Variants in DST observed in about 807,000 individuals in gnomAD.
The protein encoded by DST is dystonin.
Under a neutral mutation model 875.2 loss-of-function variants are expected in DST, and 253 were observed. That is an observed-to-expected ratio of 0.29 (90% CI 0.26 to 0.32). The LOEUF is 0.32. DST is among the 10% of genes least tolerant of loss of function. DST has a pLI of 1.00. For missense variants in DST, 8,287 were observed against 9,111.6 expected (o/e 0.91, Z 3.68); for synonymous variants, 3,124 against 3,197.1 (o/e 0.98, Z 0.77).
At chr6:56,735,420 A>G in intron 4 of DST, 131 bp from the exon 5 acceptor site, 1 of 665,278 alleles carries the variant, frequency 1.5e-6, no homozygotes, top group East Asian at 2.9e-5. Context: ...TTCTTGTTAA[A>G]TTTTGGCAAC....
intron 2 of DST, among the ~76,000 whole-genome samples, chr6:56,952,527 A>G (rs115232789): frequency 6.6e-6 from 1 of 152,238 alleles, no homozygotes; most frequent in African/African-American, 2.4e-5. Flanking sequence ...ACTTTAATTA[A>G]GTAATTTAAT....
chr6:56,765,652 T>C (rs1379836513), intron 4 of DST, among the ~76,000 whole-genome samples: 1 of 152,174 alleles, frequency 6.6e-6, no homozygotes, highest in Non-Finnish European at 1.5e-5. Flanking sequence ...GATGTTAAGA[T>C]GAATGGTGAA....
chr6:56,605,879 G>A lies in DST; in HGVS notation c.8749C>T (p.Leu2917Phe). The A allele has an allele frequency of 6.2e-7, 1 of 1,612,560 alleles. No homozygotes were observed. Among genetic ancestry groups the A allele is most frequent in the Non-Finnish European group, 8.5e-7 (1 of 1,179,250 alleles). The change falls in exon 40 of 104, where the codon CTT becomes TTT. Residue 2917 changes from leucine (L) to phenylalanine (F), a missense_variant. Physicochemically the swap from Leu to Phe is conservative, Grantham distance 22. Transcript: ENST00000680361. ...ATGATAGGCGGCAATACATCCTTAA[G>A]TACCATCTCATGGTTCAACAGATTT... ...KENLLNHEMV[L>F]KDVLPPIIKD...
intron 9 of DST, among the ~76,000 whole-genome samples, chr6:56,691,089 A>T (rs928895109): frequency 6.6e-6 from 1 of 152,208 alleles, no homozygotes; most frequent in Admixed American, 6.6e-5. Flanking sequence ...CCATTGAAGG[A>T]AAGGCTAATG....
At chr6:56,527,777 A>G in intron 67 of DST, 43 bp from the exon 68 acceptor site, 2 of 1,550,956 alleles carry the variant, frequency 1.3e-6, no homozygotes. Context: ...AGGAAAAAAA[A>G]GGCAGGGAGA....
chr6:56,548,251 C>T (rs2097262002), intron 61 of DST, among the ~76,000 whole-genome samples: 1 of 152,196 alleles, frequency 6.6e-6, no homozygotes, highest in Non-Finnish European at 1.5e-5. Context: ...TGTGTTGGGC[C>T]ACATTCAAAG....
chr6:56,770,817 A>G (rs1421730662), intron 4 of DST, among the ~76,000 whole-genome samples: 1 of 152,086 alleles, frequency 6.6e-6, no homozygotes, highest in Non-Finnish European at 1.5e-5. Context: ...CCTGACCAAC[A>G]TGGAGAAACC....
intron 3 of DST, among the ~76,000 whole-genome samples, chr6:56,865,939 A>G (rs989020594): frequency 5.9e-5 from 9 of 152,100 alleles, no homozygotes; most frequent in Admixed American, 6.5e-5. Flanking sequence ...CATAAAGTAC[A>G]TATAGGCATT....
Position 56,634,173 on chromosome 6 carries a change from T to A in DST, c.3580A>T (p.Ile1194Phe). The A allele has an allele frequency of 1.2e-6, 2 of 1,604,576 alleles. No homozygotes were observed. The highest frequency in any genetic ancestry group is 1.7e-6 in the Non-Finnish European group (2 of 1,172,136). The change falls in exon 27 of 104, where the codon ATC becomes TTC. Residue 1194 changes from isoleucine (I) to phenylalanine (F), a missense_variant. Physicochemically the swap from Ile to Phe is conservative, Grantham distance 21. Around this residue, in one of 10 missense-constraint regions of DST, gnomAD observed 3,138 missense variants for 3,116.6 expected, o/e 1.01. Coordinates refer to ENST00000680361, the MANE Select transcript of DST (RefSeq NM_001374736.1). ...MKSVVSWHYL[I>F]NEIDRIRASN... ...GCTCGAATTCTATCAATTTCATTGATGAGATAATGCCAGGATACTACACTC... is the reference window on the plus strand; with the variant it reads ...GCTCGAATTCTATCAATTTCATTGAAGAGATAATGCCAGGATACTACACTC...
chr6:56,565,125 C>CTTTTTTTTTTTTTTT (rs540989404), intron 55 of DST, among the ~76,000 whole-genome samples: 1 of 122,794 alleles, frequency 8.1e-6, no homozygotes, highest in Non-Finnish European at 1.7e-5. Flanking sequence ...TTTTTTTTTT[C>CTTTTTTTTTTTTTTT]TTTTTTTTTT....
intron 3 of DST, among the ~76,000 whole-genome samples, chr6:56,864,503 G>C (rs1015356738): frequency 6.6e-6 from 1 of 152,044 alleles, no homozygotes; most frequent in African/African-American, 2.4e-5. Flanking sequence ...TTTATGGAAA[G>C]TAGGCAGGAC....
At chr6:56,697,776 C>T (rs1170634838) in intron 9 of DST, among the ~76,000 whole-genome samples, 3 of 152,142 alleles carry the variant, frequency 2.0e-5, no homozygotes, top group Admixed American at 6.6e-5. Context: ...CTGACTTTCC[C>T]GTCTGGGGTT....
chr6:56,776,631 T>C (rs989652740), intron 4 of DST, among the ~76,000 whole-genome samples: 2 of 152,160 alleles, frequency 1.3e-5, no homozygotes, highest in African/African-American at 4.8e-5. Context: ...TATTCTAAAA[T>C]TAAAAGTTTA....
rs778309897 is a variant in DST, at chr6:56,463,629, G to C, written c.22895C>G (p.Thr7632Ser). 5 of 1,613,640 alleles carry C rather than the reference G, an allele frequency of 3.1e-6. No homozygotes were observed. Among genetic ancestry groups the C allele is most frequent in the Non-Finnish European group, 4.2e-6 (5 of 1,179,628 alleles). ...CTGCGCAGCCTGACTGGACACAGAAGTGGATCTGTTGGGTGAAGCGCCTCG... is the reference window on the plus strand; with the variant it reads ...CTGCGCAGCCTGACTGGACACAGAACTGGATCTGTTGGGTGAAGCGCCTCG... ...SSRGASPNRS[T>S]SVSSQAAQAA... The change falls in exon 101 of 104, where the codon ACT (threonine) becomes AGT (serine). Residue 7632 changes from threonine (T) to serine (S), a missense_variant. This residue lies in a region of DST where 240 missense variants were observed against 237.3 expected (regional missense o/e 1.01). Transcript: ENST00000680361.
At chr6:56,783,870 G>C (rs924012901) in intron 4 of DST, among the ~76,000 whole-genome samples, 1 of 152,108 alleles carries the variant, frequency 6.6e-6, no homozygotes, top group Non-Finnish European at 1.5e-5. Flanking sequence ...TACCTGTTGT[G>C]CCTTTCCATG....
chr6:56,593,516 C>CCAAAAAAAAAAAAAAAAAAA (rs766214285), intron 48 of DST, 147 bp downstream of exon 48: 10 of 277,526 alleles, frequency 3.6e-5, no homozygotes, highest in African/African-American at 3.2e-4. Context: ...GACTCCTTCT[C>CCAAAAAAAAAAAAAAAAAAA]AAAAAAAAAA....
At chr6:56,953,442 C>T (rs904938618) in intron 2 of DST, among the ~76,000 whole-genome samples, 1 of 152,198 alleles carries the variant, frequency 6.6e-6, no homozygotes, top group African/African-American at 2.4e-5. Context: ...AAGTGAACAA[C>T]CAGAGTCAAC....
chr6:56,830,576 A>G (rs2099785805), intron 4 of DST, among the ~76,000 whole-genome samples: 1 of 152,182 alleles, frequency 6.6e-6, no homozygotes, highest in Non-Finnish European at 1.5e-5. Context: ...TCAACAGGAT[A>G]GTTTTTCTGT....
At chr6:56,776,105 T>A (rs2099678600) in intron 4 of DST, among the ~76,000 whole-genome samples, 1 of 152,184 alleles carries the variant, frequency 6.6e-6, no homozygotes, top group African/African-American at 2.4e-5. Flanking sequence ...ATAAGACATG[T>A]GAATTGATAT....
Sources: allele counts gnomAD v4.1 joint callset (sites outside exome capture counted in the v4.1 genomes callset), GRCh38; gene constraint gnomAD v4.1.1; regional missense constraint gnomAD v4.1.1; transcripts MANE v1.5; gene names NCBI Gene and HGNC (gene_info 2026-07-23, HGNC 2026-07-21).